The following GABRB3 variants were observed in gnomAD, a reference collection of about 807,000 sequenced individuals.
GABRB3 encodes the protein gamma-aminobutyric acid receptor subunit beta-3.
A neutral mutation model predicts 52.1 loss-of-function variants in GABRB3; 14 were observed. That is an observed-to-expected ratio of 0.27 (90% CI 0.18 to 0.42). GABRB3 has a LOEUF of 0.42. Among genes scored for constraint, GABRB3 ranks in the 10% least tolerant of loss-of-function variants. GABRB3 has a pLI of 1.00. For synonymous variants in GABRB3, 260 were observed against 232.3 expected (o/e 1.12, Z -1.08); for missense variants, 307 against 609.1 (o/e 0.50, Z 5.22).
intron 3 of GABRB3, among the ~76,000 whole-genome samples, chr15:26,746,528 A>C (rs190879726): frequency 2.0e-5 from 3 of 148,484 alleles, no homozygotes; most frequent in Non-Finnish European, 4.4e-5. Flanking sequence ...TGTCCTAAAG[A>C]TGTTTTTATG....
intron 3 of GABRB3, among the ~76,000 whole-genome samples, chr15:26,657,536 CA>C (rs1887411921): frequency 6.6e-6 from 1 of 152,176 alleles, no homozygotes; most frequent in African/African-American, 2.4e-5. Context: ...TTTCTAAACA[CA>C]GTGAGCTGAA....
intron 4 of GABRB3, among the ~76,000 whole-genome samples, chr15:26,595,882 T>C (rs1321066571): frequency 3.9e-5 from 6 of 152,212 alleles, no homozygotes; most frequent in Admixed American, 3.3e-4. Context: ...CCCTATGCTA[T>C]ATAAGCCCTG....
At chr15:26,684,629 G>A (rs1443103858) in intron 3 of GABRB3, among the ~76,000 whole-genome samples, 3 of 152,244 alleles carry the variant, frequency 2.0e-5, no homozygotes, top group East Asian at 3.9e-4. Context: ...AACACTTACA[G>A]GCCATGGTAG....
chr15:26,704,070 G>T (rs961366870), intron 3 of GABRB3, among the ~76,000 whole-genome samples: 1 of 152,144 alleles, frequency 6.6e-6, no homozygotes, highest in African/African-American at 2.4e-5. Context: ...TCTCCGCATG[G>T]GCCTTCTCTG....
At chr15:26,769,206 G>A (rs922782887) in intron 3 of GABRB3, among the ~76,000 whole-genome samples, 3 of 152,136 alleles carry the variant, frequency 2.0e-5, no homozygotes, top group African/African-American at 2.4e-5. Flanking sequence ...TTTGAGATAC[G>A]TGTGTTTTTC....
At chr15:26,607,473 G>C (rs889699705) in intron 4 of GABRB3, among the ~76,000 whole-genome samples, 2 of 152,068 alleles carry the variant, frequency 1.3e-5, no homozygotes, top group Admixed American at 6.6e-5. Flanking sequence ...TATGGAGCCT[G>C]AGGTGGGCAG....
chr15:26,655,424 T>G (rs1464817886), intron 3 of GABRB3, among the ~76,000 whole-genome samples: 1 of 152,138 alleles, frequency 6.6e-6, no homozygotes, highest in Admixed American at 6.5e-5. Flanking sequence ...GAATGCACAT[T>G]TTATGGCTAT....
intron 6 of GABRB3, among the ~76,000 whole-genome samples, chr15:26,578,242 C>A (rs1319462373): frequency 6.6e-6 from 1 of 152,166 alleles, no homozygotes; most frequent in African/African-American, 2.4e-5. Context: ...GCAACTTATG[C>A]CATTTCTTCA....
intron 3 of GABRB3, among the ~76,000 whole-genome samples, chr15:26,663,227 C>T (rs1347091534): frequency 1.3e-5 from 2 of 152,196 alleles, no homozygotes; most frequent in Non-Finnish European, 2.9e-5. Flanking sequence ...TAATCCCAAC[C>T]CTGGCAATGA....
intron 4 of GABRB3, among the ~76,000 whole-genome samples, chr15:26,589,092 A>T (rs1367888766): frequency 6.6e-6 from 1 of 152,228 alleles, no homozygotes; most frequent in Non-Finnish European, 1.5e-5. Flanking sequence ...CACGGATGTC[A>T]GTGTGTTGAA....
chr15:26,562,252 T>C (rs1202945229), intron 7 of GABRB3, among the ~76,000 whole-genome samples: 1 of 152,192 alleles, frequency 6.6e-6, no homozygotes, highest in African/African-American at 2.4e-5. Context: ...TCTTGGAGAC[T>C]GTATTTTTGA....
At chr15:26,750,977 G>A (rs1890490956) in intron 3 of GABRB3, among the ~76,000 whole-genome samples, 1 of 152,128 alleles carries the variant, frequency 6.6e-6, no homozygotes, top group Admixed American at 6.5e-5. Flanking sequence ...CAAGTAACAA[G>A]TCAGTATTTG....
chr15:26,769,712 A>G (rs887661789), intron 3 of GABRB3, among the ~76,000 whole-genome samples: 7 of 152,098 alleles, frequency 4.6e-5, no homozygotes, highest in Non-Finnish European at 1.0e-4. Flanking sequence ...TATTTCATGA[A>G]AGTTTCCACA....
intron 3 of GABRB3, among the ~76,000 whole-genome samples, chr15:26,655,214 A>C (rs1371442060): frequency 1.3e-5 from 2 of 152,184 alleles, no homozygotes; most frequent in Admixed American, 1.3e-4. Flanking sequence ...GCTTCACATT[A>C]TGTAAAATTT....
At chr15:26,669,256 C>A (rs1887811562) in intron 3 of GABRB3, among the ~76,000 whole-genome samples, 3 of 152,158 alleles carry the variant, frequency 2.0e-5, no homozygotes, top group Non-Finnish European at 2.9e-5. Context: ...CAGTGATGTC[C>A]TTCCTACTTA....
At chr15:26,689,848 C>T (rs1368381599) in intron 3 of GABRB3, among the ~76,000 whole-genome samples, 1 of 152,120 alleles carries the variant, frequency 6.6e-6, no homozygotes, top group South Asian at 2.1e-4. Flanking sequence ...GAAGCCTAAT[C>T]ATGGTCAGCA....
intron 4 of GABRB3, among the ~76,000 whole-genome samples, chr15:26,583,986 C>T (rs1178487841): frequency 6.6e-6 from 1 of 152,076 alleles, no homozygotes; most frequent in Non-Finnish European, 1.5e-5. Context: ...CCATGTTAGC[C>T]AGGATGGTCT....
chr15:26,645,243 C>G (rs755531229), intron 3 of GABRB3, among the ~76,000 whole-genome samples: 16 of 152,228 alleles, frequency 1.1e-4, no homozygotes, highest in Admixed American at 3.9e-4. Flanking sequence ...CATGTCTCCC[C>G]CTCCAAGAAA....
chr15:26,740,689 T>C (rs1890181284), intron 3 of GABRB3, among the ~76,000 whole-genome samples: 1 of 152,180 alleles, frequency 6.6e-6, no homozygotes, highest in Non-Finnish European at 1.5e-5. Context: ...GGACTTTTCC[T>C]AATCTGTGCT....
Sources: allele counts gnomAD v4.1 joint callset (sites outside exome capture counted in the v4.1 genomes callset), GRCh38; gene constraint gnomAD v4.1.1; transcripts MANE v1.5; gene names NCBI Gene and HGNC (gene_info 2026-07-23, HGNC 2026-07-21).